KCTD8: variants seen among roughly 807,000 people sequenced by gnomAD.
The protein encoded by KCTD8 is BTB/POZ domain-containing protein KCTD8.
In KCTD8, 27 loss-of-function variants were observed where a neutral mutation model predicts 31.5. The ratio of observed to expected loss-of-function variants is 0.86; its 90% CI spans 0.63 to 1.18. KCTD8 has a LOEUF of 1.18. KCTD8 is among the 50% of genes most tolerant of loss of function. The pLI is 0.00. For synonymous variants in KCTD8, 290 were observed against 280.0 expected (o/e 1.04, Z -0.36); for missense variants, 658 against 647.7 (o/e 1.02, Z -0.17).
At chr4:44,434,811 C>T (rs1311200215) in intron 1 of KCTD8, among the ~76,000 whole-genome samples, 2 of 151,846 alleles carry the variant, frequency 1.3e-5, no homozygotes, top group East Asian at 1.9e-4. Flanking sequence ...GAAATTATCG[C>T]CCTTAACTCG....
At chr4:44,435,203 T>C (rs961788130) in intron 1 of KCTD8, among the ~76,000 whole-genome samples, 1 of 152,012 alleles carries the variant, frequency 6.6e-6, no homozygotes, top group African/African-American at 2.4e-5. Flanking sequence ...TAAAAACACC[T>C]AGCAAGTGTC....
chr4:44,197,937 A>G (rs1395993751), intron 1 of KCTD8, among the ~76,000 whole-genome samples: 4 of 152,214 alleles, frequency 2.6e-5, no homozygotes, highest in Non-Finnish European at 4.4e-5. Context: ...GAAATAAGAA[A>G]TAGCTATTTG....
At chr4:44,421,056 T>C (rs1240620524) in intron 1 of KCTD8, among the ~76,000 whole-genome samples, 6 of 152,066 alleles carry the variant, frequency 3.9e-5, no homozygotes, top group African/African-American at 1.4e-4. Context: ...CTTAAAGTTG[T>C]ATCTTTTGCT....
At chr4:44,446,452 C>T (rs542968940) in intron 1 of KCTD8, among the ~76,000 whole-genome samples, 81 of 152,262 alleles carry the variant, frequency 5.3e-4, no homozygotes, top group African/African-American at 1.8e-3. Flanking sequence ...GCTGGCTTTT[C>T]GTTTGTCCAA....
At chr4:44,364,070 T>A (rs2109432062) in intron 1 of KCTD8, among the ~76,000 whole-genome samples, 1 of 152,138 alleles carries the variant, frequency 6.6e-6, no homozygotes, top group South Asian at 2.1e-4. Flanking sequence ...GCACTATCGA[T>A]AAAAGAAAAA....
chr4:44,365,566 GGTATCACCT>G (rs1414336272), intron 1 of KCTD8, among the ~76,000 whole-genome samples: 1 of 152,048 alleles, frequency 6.6e-6, no homozygotes, highest in African/African-American at 2.4e-5. Flanking sequence ...ACAGTCAAAA[GGTATCACCT>G]GTAACCTTTT....
intron 1 of KCTD8, among the ~76,000 whole-genome samples, chr4:44,379,142 G>A (rs6857322): frequency 0.81 from 123,815 of 152,028 alleles, 50,657 homozygotes; most frequent in South Asian, 0.89. Context: ...AACCATTTGC[G>A]AAGTTCCTTT....
chr4:44,235,007 TA>T (rs1282372126), intron 1 of KCTD8, among the ~76,000 whole-genome samples: 1 of 152,124 alleles, frequency 6.6e-6, no homozygotes, highest in Non-Finnish European at 1.5e-5. Context: ...AGGCAGAAGG[TA>T]AAGCTTGCTT....
chr4:44,423,809 C>T (rs1252171379), intron 1 of KCTD8, among the ~76,000 whole-genome samples: 1 of 151,988 alleles, frequency 6.6e-6, no homozygotes, highest in Non-Finnish European at 1.5e-5. Flanking sequence ...CATACACTTC[C>T]CATTCTGAAG....
chr4:44,353,784 G>A (rs1055103691), intron 1 of KCTD8, among the ~76,000 whole-genome samples: 4 of 151,950 alleles, frequency 2.6e-5, no homozygotes, highest in Admixed American at 2.6e-4. Flanking sequence ...TACTGATTTT[G>A]GACCTTTTCA....
chr4:44,362,008 A>G (rs1250063716), intron 1 of KCTD8, among the ~76,000 whole-genome samples: 1 of 152,148 alleles, frequency 6.6e-6, no homozygotes, highest in East Asian at 1.9e-4. Context: ...TTTAATCAGG[A>G]ATCAGGGGAT....
chr4:44,173,908 A>T lies in KCTD8; in HGVS notation c.*882T>A. ...AGTCAATAGAAATCAAGAAATTCTA[A>T]TACATTTTTCTTTTTTTAATAAATA... On this transcript the variant is annotated 3_prime_UTR_variant, in exon 2 of 2. Transcript: ENST00000360029. 1 of 152,194 alleles carries T rather than the reference A, an allele frequency of 6.6e-6. No homozygotes were observed. The highest frequency in any genetic ancestry group is 1.9e-4 in the East Asian group (1 of 5,196). 9.4% of individuals were successfully genotyped at this position (152,194 alleles called of 1,614,324 possible). A position where few individuals can be genotyped will look rare whatever the true frequency, so the allele number is the denominator to read the frequency against.
At chr4:44,182,691 T>C (rs894435032) in intron 1 of KCTD8, among the ~76,000 whole-genome samples, 5 of 152,134 alleles carry the variant, frequency 3.3e-5, no homozygotes, top group African/African-American at 1.2e-4. Flanking sequence ...ACCAGAGACC[T>C]TTGTTCACTT....
chr4:44,253,466 T>C (rs989502864), intron 1 of KCTD8, among the ~76,000 whole-genome samples: 4 of 151,818 alleles, frequency 2.6e-5, no homozygotes, highest in African/African-American at 9.7e-5. Context: ...TCTTTATATC[T>C]GGGCTGGTTT....
intron 1 of KCTD8, among the ~76,000 whole-genome samples, chr4:44,352,691 G>T (rs1719234330): frequency 6.6e-6 from 1 of 151,492 alleles, no homozygotes; most frequent in Non-Finnish European, 1.5e-5. Context: ...ATAATCTAAA[G>T]GTAGATATTC....
chr4:44,232,887 A>T (rs917516694), intron 1 of KCTD8, among the ~76,000 whole-genome samples: 1 of 152,084 alleles, frequency 6.6e-6, no homozygotes, highest in Non-Finnish European at 1.5e-5. Flanking sequence ...ATGATGAAAC[A>T]AACTAGTGAA....
intron 1 of KCTD8, among the ~76,000 whole-genome samples, chr4:44,341,804 T>C (rs1425680088): frequency 1.3e-5 from 2 of 152,182 alleles, no homozygotes; most frequent in Non-Finnish European, 2.9e-5. Flanking sequence ...TGTTGATATT[T>C]TGACTCCCTC....
intron 1 of KCTD8, among the ~76,000 whole-genome samples, chr4:44,214,527 T>A (rs528320414): frequency 6.6e-6 from 1 of 152,326 alleles, no homozygotes; most frequent in African/African-American, 2.4e-5. Context: ...TAAGATTAAA[T>A]CTATAGCAAA....
In KCTD8 at chr4:44,226,891, T is replaced by C. The variant is rs1218652468; in HGVS notation, c.962-51641A>G. On this transcript the variant is annotated intron_variant, in intron 1 of 1. Transcript: ENST00000360029. Reference sequence around the variant, plus strand: ...TGCCCACTTTTAGATGGAGTTGTTTTTTTTTTCTTGTAAATATGTTTAAGT... The same window carrying C: ...TGCCCACTTTTAGATGGAGTTGTTTCTTTTTTCTTGTAAATATGTTTAAGT... Among the ~76,000 whole-genome samples, 5 of 152,186 alleles carry C rather than the reference T, an allele frequency of 3.3e-5. No individual in the cohort carries two copies. In the East Asian group the frequency reaches 9.7e-4, roughly 29 times the overall value.
Sources: gnomAD v4.1 joint callset for allele counts (sites outside exome capture counted in the v4.1 genomes callset) on GRCh38, gnomAD v4.1.1 for gene constraint, MANE v1.5 for transcripts, NCBI Gene and HGNC (gene_info 2026-07-23, HGNC 2026-07-21) for gene names.